Variants in RUFY1 observed in about 807,000 individuals in gnomAD.
RUFY1 encodes the protein RUN and FYVE domain-containing protein 1.
RUFY1 carries 54 observed loss-of-function variants against 94.6 expected under a neutral mutation model. The observed-to-expected ratio is 0.57, with a 90% CI of 0.46 to 0.72. The LOEUF (loss-of-function observed/expected upper bound fraction) is 0.72. Among genes scored for constraint, RUFY1 ranks in the 30% least tolerant of loss-of-function variants. The pLI, the probability that RUFY1 is intolerant of heterozygous loss-of-function variation, is 0.00. For missense variants in RUFY1, 883 were observed against 883.9 expected (o/e 1.00, Z 0.01); for synonymous variants, 396 against 347.3 (o/e 1.14, Z -1.56).
At chr5:179,603,924 G>GC (rs1766732655) in intron 15 of RUFY1, among the ~76,000 whole-genome samples, 1 of 152,176 alleles carries the variant, frequency 6.6e-6, no homozygotes, top group East Asian at 1.9e-4. Flanking sequence ...GGGCATGGTG[G>GC]AGCGCGCCTG....
intron 1 of RUFY1, among the ~76,000 whole-genome samples, chr5:179,559,047 A>ACAATACGAT (rs2127507450): frequency 6.6e-6 from 1 of 152,318 alleles, no homozygotes; most frequent in African/African-American, 2.4e-5. Flanking sequence ...CAAACCAAAA[A>ACAATACGAT]CAATACGATC....
At chr5:179,568,374 AAGG>A (rs1762989566) in intron 4 of RUFY1, among the ~76,000 whole-genome samples, 1 of 152,248 alleles carries the variant, frequency 6.6e-6, no homozygotes. Flanking sequence ...ATTTACGAGG[AAGG>A]ACTCTTTCCA....
intron 16 of RUFY1, 83 bp downstream of exon 16, chr5:179,606,007 T>G: frequency 1.1e-6 from 1 of 928,854 alleles, no homozygotes; most frequent in South Asian, 1.3e-5. Context: ...ATCCCAACAG[T>G]CAGGTGAGAG....
chr5:179,599,741 G>T (rs1042832809), intron 14 of RUFY1: 1 of 152,508 alleles, frequency 6.6e-6, no homozygotes, highest in Non-Finnish European at 1.5e-5. Flanking sequence ...CCCACGTGGG[G>T]ATGGCGTGCC....
rs1039377337 is a variant in RUFY1, at chr5:179,550,848, C to T, written c.279C>T (p.Gly93=). The T allele has an allele frequency of 3.3e-6, 4 of 1,200,692 alleles. No individual in the cohort carries two copies. The highest frequency in any genetic ancestry group is 7.7e-5 in the South Asian group (2 of 25,966). The allele number at this position is 1,200,692 out of a possible 1,614,324, so 74.4% of individuals were successfully genotyped here. Residue 93 remains glycine, a synonymous_variant, in exon 1 of 18, where the codon GGC becomes GGT. Coordinates refer to ENST00000319449, the MANE Select transcript of RUFY1 (RefSeq NM_025158.5). The part of the protein sequence containing the change: ...SALRAAAGLG[G]GDSGDGTARA... ...TGCGCGCGGCCGCGGGGCTGGGCGG[C>T]GGGGACAGCGGGGACGGCACGGCGC...
intron 15 of RUFY1, 49 bp from the exon 16 acceptor site, chr5:179,605,827 A>AGGGG: frequency 9.1e-7 from 1 of 1,104,836 alleles, no homozygotes; most frequent in Non-Finnish European, 1.4e-6. Flanking sequence ...AGGGATTCAG[A>AGGGG]GCCTCACTCT....
intron 8 of RUFY1, chr5:179,586,574 G>C (rs1410406036): frequency 2.6e-6 from 1 of 386,370 alleles, no homozygotes; most frequent in African/African-American, 2.1e-5. Context: ...GTGGGTTACA[G>C]CAGAGAAGAG....
intron 16 of RUFY1, chr5:179,607,078 C>T (rs1767165828): frequency 6.2e-6 from 1 of 162,558 alleles, no homozygotes. Flanking sequence ...TGGAGAAGGG[C>T]TTCCTCAGGC....
chr5:179,585,110 G>C (rs929834698), intron 7 of RUFY1, among the ~76,000 whole-genome samples: 3 of 152,176 alleles, frequency 2.0e-5, no homozygotes, highest in African/African-American at 7.2e-5. Flanking sequence ...CAGACTAGGC[G>C]AAAGAGTAAG....
Position 179,550,775 on chromosome 5 carries a change from TG to T in RUFY1, c.208del (p.Ala70HisfsTer40). The T allele has an allele frequency of 7.2e-7, 1 of 1,390,578 alleles. No homozygotes were observed. The highest frequency in any genetic ancestry group is 9.4e-7 in the Non-Finnish European group (1 of 1,067,470). The allele number at this position is 1,390,578 out of a possible 1,614,324, so 86.1% of individuals were successfully genotyped here. ...AEGWSAPILT[L>X]ARRATGNLSA... is the part of the protein sequence containing the mutation. ...GGCTGGTCGGCGCCCATCCTGACCC[TG>T]GCACGCAGGGCCACCGGGAACCTGT... On this transcript the variant is annotated frameshift_variant, in exon 1 of 18. Coordinates refer to ENST00000319449, the MANE Select transcript of RUFY1 (RefSeq NM_025158.5). LOFTEE classifies it high-confidence loss of function.
At chr5:179,552,503 A>G (rs1285634419) in intron 1 of RUFY1, among the ~76,000 whole-genome samples, 1 of 152,212 alleles carries the variant, frequency 6.6e-6, no homozygotes, top group East Asian at 1.9e-4. Flanking sequence ...CTGGCAGTGG[A>G]AAATAGCATT....
chr5:179,566,169 G>A lies in RUFY1; in HGVS notation c.603-1292G>A, dbSNP rs115867811. Among the ~76,000 whole-genome samples, 704 of 151,904 alleles carry A rather than the reference G, an allele frequency of 4.6e-3. 9 individuals carry two copies. The highest frequency in any genetic ancestry group is 0.016 in the African/African-American group (675 of 41,470). ...AAAAAAGAAAGTTGTGAAGTTTACA[G>A]TCTCACCAAGCAGCACTTGAGAGGC... On this transcript the variant is annotated intron_variant, in intron 3 of 17. Coordinates refer to ENST00000319449, the MANE Select transcript of RUFY1 (RefSeq NM_025158.5).
At chr5:179,600,791 A>G (rs543191920) in intron 14 of RUFY1, among the ~76,000 whole-genome samples, 109 of 131,244 alleles carry the variant, frequency 8.3e-4, no homozygotes, top group African/African-American at 2.9e-3. Context: ...CCGCCTCCCC[A>G]GTTCAAGCGA....
At chr5:179,572,645 G>C (rs990035076) in intron 5 of RUFY1, 2 of 196,454 alleles carry the variant, frequency 1.0e-5, no homozygotes, top group African/African-American at 4.7e-5. Flanking sequence ...CCAGTACGCA[G>C]ATGAGCACGG....
At chr5:179,590,080 A>T (rs951220788) in intron 9 of RUFY1, among the ~76,000 whole-genome samples, 3 of 152,132 alleles carry the variant, frequency 2.0e-5, no homozygotes, top group Non-Finnish European at 4.4e-5. Flanking sequence ...TGGGCCGGGC[A>T]CAGTGGCTCA....
intron 12 of RUFY1, 163 bp from the exon 13 acceptor site, chr5:179,596,399 C>G: frequency 2.3e-6 from 2 of 878,548 alleles, no homozygotes; most frequent in South Asian, 1.4e-5. Flanking sequence ...GTGGTGGGAC[C>G]GTCCTGTATT....
intron 1 of RUFY1, among the ~76,000 whole-genome samples, chr5:179,553,776 C>T (rs975787003): frequency 7.1e-4 from 108 of 152,190 alleles, no homozygotes; most frequent in African/African-American, 2.5e-3. Flanking sequence ...GGCAACAGAA[C>T]GAGACTATCT....
In RUFY1 at chr5:179,607,672, T is replaced by A. The variant is rs535401011; in HGVS notation, c.1983+13T>A. Reference sequence around the variant, plus strand: ...TTCCCGGAGAAAGGTACGTGGGGGCTCCACCCACCCTCCCAGTGCCCTGAG... The same window carrying A: ...TTCCCGGAGAAAGGTACGTGGGGGCACCACCCACCCTCCCAGTGCCCTGAG... On this transcript the variant is annotated intron_variant, in intron 17 of 17. Transcript: ENST00000319449. The A allele has an allele frequency of 6.2e-7, 1 of 1,604,428 alleles. No homozygotes were observed. The highest frequency in any genetic ancestry group is 1.3e-5 in the African/African-American group (1 of 74,774).
At chr5:179,577,182 T>TTTC in intron 6 of RUFY1, 46 bp downstream of exon 6, 2 of 1,309,642 alleles carry the variant, frequency 1.5e-6, no homozygotes, top group Admixed American at 2.2e-5. Flanking sequence ...TTTTTTTTTT[T>TTTC]TTTTTTTGAG....
Sources: allele counts gnomAD v4.1 joint callset (sites outside exome capture counted in the v4.1 genomes callset), GRCh38; gene constraint gnomAD v4.1.1; transcripts MANE v1.5; gene names NCBI Gene and HGNC (gene_info 2026-07-23, HGNC 2026-07-21).